The following SPEG variants were observed in gnomAD, a reference collection of about 807,000 sequenced individuals.
SPEG encodes the protein striated muscle preferentially expressed protein kinase.
A neutral mutation model predicts 300.4 loss-of-function variants in SPEG; 114 were observed. That is an observed-to-expected ratio of 0.38 (90% CI 0.33 to 0.44). The LOEUF (loss-of-function observed/expected upper bound fraction) is 0.44. SPEG is among the 20% of genes least tolerant of loss of function. The pLI, the probability that SPEG is intolerant of heterozygous loss-of-function variation, is 1.00. For synonymous variants in SPEG, 1,964 were observed against 2,018.9 expected, an observed-to-expected ratio of 0.97 and a Z score of 0.73; for missense variants, 4,201 against 4,586.2, an observed-to-expected ratio of 0.92 and a Z score of 2.43.
Position 219,489,688 on chromosome 2 carries a change from G to A in SPEG, c.8670G>A (p.Gly2890=), listed in dbSNP as rs754442848. The A allele has an allele frequency of 6.2e-7, 1 of 1,613,956 alleles. No individual in the cohort carries two copies. The highest frequency in any genetic ancestry group is 8.5e-7 in the Non-Finnish European group (1 of 1,180,020). ...CGATCCCAGCCTCCACTCCTCAAGG[G>A]GTTAAACCAGTGTCTTCCTCTACTC... ...GTPIPASTPQ[G]VKPVSSSTPV... Residue 2890 remains glycine, a synonymous_variant, in exon 36 of 41, where the codon GGG becomes GGA. Coordinates refer to ENST00000312358, the MANE Select transcript of SPEG (RefSeq NM_005876.5).
At chr2:219,490,063 A>T in intron 36 of SPEG, 124 bp downstream of exon 36, 1 of 1,133,634 alleles carries the variant, frequency 8.8e-7, no homozygotes, top group Non-Finnish European at 1.2e-6. Context: ...GACCTGGGTT[A>T]TTAGAATGAT....
Position 219,489,137 on chromosome 2 carries a change from A to G in SPEG, c.8233A>G (p.Arg2745Gly), listed in dbSNP as rs1232779361. ...CCACCTGCCAGTTGGCGTGACTGTG[A>G]GGTTCCGTGTGGCCTGTGCCAACCG... ...VTHLPVGVTV[R>G]FRVACANRAG... Residue 2745 changes from arginine (R) to glycine (G), a missense_variant, in exon 35 of 41, where the codon AGG becomes GGG. Arg to Gly is a moderately radical substitution (Grantham distance 125). Transcript: ENST00000312358. 1.9e-6 allele frequency: 3 copies of G among 1,613,708 alleles called. No individual in the cohort carries two copies. The highest frequency in any genetic ancestry group is 2.5e-6 in the Non-Finnish European group (3 of 1,179,932).
At chr2:219,450,390 C>G (rs1689653813) in intron 4 of SPEG, among the ~76,000 whole-genome samples, 1 of 152,236 alleles carries the variant, frequency 6.6e-6, no homozygotes. Context: ...GGGATTTTCA[C>G]TGCTTTTTTG....
Position 219,485,331 on chromosome 2 carries a change from C to T in SPEG, c.7610-15C>T. ...TACTGACTGAACAAATACTCACGGGCCTGAGTCTTCACAGCCCCAGGGGAA... is the reference window on the plus strand; with the variant it reads ...TACTGACTGAACAAATACTCACGGGTCTGAGTCTTCACAGCCCCAGGGGAA... On this transcript the variant is annotated splice_polypyrimidine_tract_variant and intron_variant, in intron 30 of 40. Transcript: ENST00000312358. 1 of 1,601,468 alleles carries T rather than the reference C, an allele frequency of 6.2e-7. No homozygotes were observed. The highest frequency in any genetic ancestry group is 8.5e-7 in the Non-Finnish European group (1 of 1,174,558).
At chr2:219,488,993 C>T in intron 34 of SPEG, 61 bp from the exon 35 acceptor site, 2 of 1,605,780 alleles carry the variant, frequency 1.2e-6, no homozygotes, top group Non-Finnish European at 1.7e-6. Flanking sequence ...CCACAGATAG[C>T]ACCGTGGGAG....
In SPEG at chr2:219,443,794, T is replaced by C; in HGVS notation, c.389-859T>C. 2.7e-6 allele frequency: 1 copy of C among 365,186 alleles called. No individual in the cohort carries two copies. The highest frequency in any genetic ancestry group is 5.5e-6 in the Non-Finnish European group (1 of 183,242). 22.6% of individuals were successfully genotyped at this position (365,186 alleles called of 1,614,324 possible). On this transcript the variant is annotated intron_variant, in intron 1 of 40. Transcript: ENST00000312358. The surrounding 1 kb of genome is among the most constrained non-coding windows in gnomAD (Gnocchi z 4.6). ...TGTGTGTGGCCAGTGGCAGCACCAG[T>C]AAGTGCCAAGGATACCAGAACCACT... is the stretch of plus-strand genomic sequence containing the variant.
chr2:219,477,548 C>T lies in SPEG; in HGVS notation c.4729+103C>T. On this transcript the variant is annotated intron_variant, in intron 20 of 40. Transcript: ENST00000312358. This position sits in a 1 kb window ranked among gnomAD's most constrained non-coding sequence, Gnocchi z 6.4. The stretch of plus-strand genomic sequence containing the variant: ...GCAGCCAGCCCTGGACTCGAGCCAC[C>T]ACACCCCCAGCCCAGCACCCCGCCT... 1 of 1,404,006 alleles carries T rather than the reference C, an allele frequency of 7.1e-7. No individual in the cohort carries two copies. Among genetic ancestry groups the T allele is most frequent in the East Asian group, 2.5e-5 (1 of 40,000 alleles). The allele number at this position is 1,404,006 out of a possible 1,614,324, so 87.0% of individuals were successfully genotyped here.
rs1692734615 is a variant in SPEG, at chr2:219,480,468, C to A, written c.5343-203C>A. ...GGCTTCCCTGGGCTTCCTGGGCCAG[C>A]CCTGCCATGACCCTGGACTTCTCCA... is the stretch of plus-strand genomic sequence containing the variant. On this transcript the variant is annotated intron_variant, in intron 25 of 40. Coordinates refer to ENST00000312358, the MANE Select transcript of SPEG (RefSeq NM_005876.5). This position sits in a 1 kb window ranked among gnomAD's most constrained non-coding sequence, Gnocchi z 5.3. Among the ~76,000 whole-genome samples, 1 of 152,134 alleles carries A rather than the reference C, an allele frequency of 6.6e-6. No homozygotes were observed.
chr2:219,493,180 G>A lies in SPEG; in HGVS notation c.*394G>A. ...CATGGCTGGAGAGGAGGAAAAGGAA[G>A]GAGCCCCAGGTGTCAGGGCAGTAGG... On this transcript the variant is annotated 3_prime_UTR_variant, in exon 41 of 41. Transcript: ENST00000312358. 4.9e-6 allele frequency: 2 copies of A among 407,070 alleles called. No homozygotes were observed. 25.2% of individuals were successfully genotyped at this position (407,070 alleles called of 1,614,324 possible).
chr2:219,480,735 C>T lies in SPEG; in HGVS notation c.5369+38C>T, dbSNP rs370117113. 26 of 1,606,532 alleles carry T rather than the reference C, an allele frequency of 1.6e-5. No homozygotes were observed. The highest frequency in any genetic ancestry group is 2.2e-5 in the Non-Finnish European group (26 of 1,173,308). On this transcript the variant is annotated intron_variant, in intron 26 of 40. Coordinates refer to ENST00000312358, the MANE Select transcript of SPEG (RefSeq NM_005876.5). This position sits in a 1 kb window ranked among gnomAD's most constrained non-coding sequence, Gnocchi z 5.3. Reference sequence around the variant, plus strand: ...CTGCAATGTCCCAGCAGTCTCCTGGCAGGTCTACCCCTAACCTTTGCAGGG... The same window carrying T: ...CTGCAATGTCCCAGCAGTCTCCTGGTAGGTCTACCCCTAACCTTTGCAGGG...
At chr2:219,450,860 C>T (rs943861393) in intron 4 of SPEG, 1 of 342,268 alleles carries the variant, frequency 2.9e-6, no homozygotes, top group Admixed American at 4.6e-5. Flanking sequence ...TGTCTTTCTC[C>T]AGAAGCCAAC....
rs778709330 is a variant in SPEG, at chr2:219,484,237, C to T, written c.6774C>T (p.Ala2258=). ...AGTCCCTCCAGCTGTCAGGCCACGC[C>T]CAGGGCCCCTCGCAGGGCCCTGCCG... ...IIQSLQLSGH[A]QGPSQGPAAP... Residue 2258 remains alanine (A), a synonymous_variant, in exon 30 of 41, where the codon GCC becomes GCT. Coordinates refer to ENST00000312358, the MANE Select transcript of SPEG (RefSeq NM_005876.5). 9 of 1,611,806 alleles carry T rather than the reference C, an allele frequency of 5.6e-6. No individual in the cohort carries two copies. Among genetic ancestry groups the T allele is most frequent in the Non-Finnish European group, 6.8e-6 (8 of 1,179,894 alleles).
rs532509602 is a variant in SPEG, at chr2:219,460,559, G to A, written c.2441-1323G>A. On this transcript the variant is annotated intron_variant, in intron 6 of 40. Transcript: ENST00000312358. ...ACCTTGAGTCAAGGCACCGCAGAGC[G>A]GGCTTTGCTCTTGTCAGGGTCTGAA... 1.2e-4 allele frequency: 115 copies of A among 985,442 alleles called. No individual in the cohort carries two copies. The African/African-American group carries it at 1.6e-3, about 14-fold the overall frequency. The allele number at this position is 985,442 out of a possible 1,614,324, so 61.0% of individuals were successfully genotyped here.
chr2:219,492,574 T>C lies in SPEG; in HGVS notation c.9612-20T>C, dbSNP rs560958901. 1.9e-6 allele frequency: 3 copies of C among 1,604,172 alleles called. No individual in the cohort carries two copies. Among genetic ancestry groups the C allele is most frequent in the Non-Finnish European group, 2.5e-6 (3 of 1,179,162 alleles). On this transcript the variant is annotated intron_variant, in intron 40 of 40. Transcript: ENST00000312358. ...CCAGAGCTTCCTTCCAGGTTCATCATCCCTGGCTCTGCCTGGCAGGAGCCG... is the reference window on the plus strand; with the variant it reads ...CCAGAGCTTCCTTCCAGGTTCATCACCCCTGGCTCTGCCTGGCAGGAGCCG...
chr2:219,460,203 T>C (rs2125383486), intron 6 of SPEG: 1 of 681,226 alleles, frequency 1.5e-6, no homozygotes, highest in East Asian at 1.4e-4. Flanking sequence ...AGACCTTCCA[T>C]GGCAGGGATG....
Position 219,480,299 on chromosome 2 carries a change from C to G in SPEG, c.5342+159C>G, listed in dbSNP as rs1225453156. Among the ~76,000 whole-genome samples, 6 of 152,272 alleles carry G rather than the reference C, an allele frequency of 3.9e-5. No homozygotes were observed. Among genetic ancestry groups the G allele is most frequent in the Middle Eastern group, 3.4e-3 (1 of 294 alleles). ...GTCTCCTGCCCATGTTACTCCTTGC[C>G]CCTTGTGAGTCAGGGCTGCCCCATT... is the stretch of plus-strand genomic sequence containing the variant. On this transcript the variant is annotated intron_variant, in intron 25 of 40. Transcript: ENST00000312358. The surrounding 1 kb of genome is among the most constrained non-coding windows in gnomAD (Gnocchi z 5.3).
In SPEG at chr2:219,491,416, AG is replaced by A. The variant is rs1420373803; in HGVS notation, c.9386-374del. Among the ~76,000 whole-genome samples, 15 of 152,250 alleles carry A rather than the reference AG, an allele frequency of 9.9e-5. No homozygotes were observed. The East Asian group carries it at 2.9e-3, about 29-fold the overall frequency. ...AATCGCCCAGGGTCCCATAGCTAGA[AG>A]GGGCAGGTCTGGGATTAGAGCCAGC... is the stretch of plus-strand genomic sequence containing the variant. On this transcript the variant is annotated intron_variant, in intron 38 of 40. Coordinates refer to ENST00000312358, the MANE Select transcript of SPEG (RefSeq NM_005876.5).
At chr2:219,470,611 C>A (rs1179321831) in intron 13 of SPEG, among the ~76,000 whole-genome samples, 1 of 152,184 alleles carries the variant, frequency 6.6e-6, no homozygotes, top group Non-Finnish European at 1.5e-5. Flanking sequence ...GCAGAGATAA[C>A]TGCAAAGAGA....
chr2:219,487,263 G>A (rs1479670311), intron 31 of SPEG, among the ~76,000 whole-genome samples: 1 of 152,182 alleles, frequency 6.6e-6, no homozygotes, highest in Non-Finnish European at 1.5e-5. Flanking sequence ...CCCTGCATGT[G>A]CACAGCCACC....
Sources: gnomAD v4.1 joint callset for allele counts (sites outside exome capture counted in the v4.1 genomes callset) on GRCh38, gnomAD v4.1.1 for gene constraint, Gnocchi (gnomAD v3.1) non-coding constraint, MANE v1.5 for transcripts, NCBI Gene and HGNC (gene_info 2026-07-23, HGNC 2026-07-21) for gene names.